CTNNA3: variants seen among roughly 807,000 people sequenced by gnomAD.
The protein encoded by CTNNA3 is catenin alpha-3.
CTNNA3 carries 76 observed loss-of-function variants against 95.7 expected under a neutral mutation model. The observed-to-expected ratio is 0.79, with a 90% CI of 0.66 to 0.96. CTNNA3 has a LOEUF of 0.96. CTNNA3 is among the 40% of genes least tolerant of loss of function. CTNNA3 has a pLI of 0.00. For synonymous variants in CTNNA3, 431 were observed against 374.4 expected, an observed-to-expected ratio of 1.15 and a Z score of -1.74; for missense variants, 1,191 against 1,089.8, an observed-to-expected ratio of 1.09 and a Z score of -1.31.
chr10:67,538,357 C>T (rs554332370), intron 4 of CTNNA3, among the ~76,000 whole-genome samples: 58 of 151,738 alleles, frequency 3.8e-4, no homozygotes, highest in Non-Finnish European at 7.2e-4. Context: ...GGGAGGATCA[C>T]GAGGTCAGGA....
At chr10:67,094,990 T>C (rs1857888923) in intron 7 of CTNNA3, among the ~76,000 whole-genome samples, 1 of 151,520 alleles carries the variant, frequency 6.6e-6, no homozygotes, top group Non-Finnish European at 1.5e-5. Context: ...TTTGAAACTA[T>C]AAGTAATTGG....
chr10:66,460,274 A>AGAAACTT (rs1218154593), intron 11 of CTNNA3, among the ~76,000 whole-genome samples: 1 of 152,200 alleles, frequency 6.6e-6, no homozygotes, highest in Non-Finnish European at 1.5e-5. Flanking sequence ...CCTCAGGCTG[A>AGAAACTT]GAAACTTGTG....
At chr10:66,208,311 C>T (rs2087898637) in intron 13 of CTNNA3, among the ~76,000 whole-genome samples, 1 of 152,034 alleles carries the variant, frequency 6.6e-6, no homozygotes, top group Non-Finnish European at 1.5e-5. Flanking sequence ...ACTCCCTTTA[C>T]ATATTAACAG....
intron 10 of CTNNA3, among the ~76,000 whole-genome samples, chr10:66,540,051 C>G (rs1313775230): frequency 6.6e-6 from 1 of 151,942 alleles, no homozygotes; most frequent in Non-Finnish European, 1.5e-5. Context: ...TGTTTGTTAT[C>G]ACCAAACATT....
intron 13 of CTNNA3, among the ~76,000 whole-genome samples, chr10:66,267,060 C>A (rs1027708329): frequency 2.0e-5 from 3 of 151,936 alleles, no homozygotes; most frequent in Non-Finnish European, 2.9e-5. Flanking sequence ...AAATATTAGG[C>A]GGCTTAAGGC....
At chr10:66,861,008 C>A (rs76322777) in intron 7 of CTNNA3, among the ~76,000 whole-genome samples, 3,320 of 152,220 alleles carry the variant, frequency 0.022, 122 homozygotes, top group African/African-American at 0.075. Flanking sequence ...GCCAGGGATA[C>A]CCTGAAAATG....
In CTNNA3 at chr10:66,137,297, A is replaced by G. The variant is rs200449816; in HGVS notation, c.1885-34048T>C. ...AAAGATATTTAATCTTTTAATTATA[A>G]GGAAACAATCAGGAAAATCCAGAAT... On this transcript the variant is annotated intron_variant, in intron 13 of 17. Transcript: ENST00000433211. Among the ~76,000 whole-genome samples the G allele has an allele frequency of 5.3e-5, 8 of 152,278 alleles. No homozygotes were observed. In the East Asian group the frequency reaches 1.5e-3, roughly 29 times the overall value.
rs574841595 is a variant in CTNNA3, at chr10:66,399,503, T to C, written c.1532-20151A>G. ...CCCTACATTCCATCCTAATTTATTCTGTGGTATATGCGTGTGAAGTGAAGA... is the reference window on the plus strand; with the variant it reads ...CCCTACATTCCATCCTAATTTATTCCGTGGTATATGCGTGTGAAGTGAAGA... On this transcript the variant is annotated intron_variant, in intron 11 of 17. Coordinates refer to ENST00000433211, the MANE Select transcript of CTNNA3 (RefSeq NM_013266.4). 2.1e-4 allele frequency among the ~76,000 whole-genome samples: 32 copies of C among 152,084 alleles called. No individual in the cohort carries two copies. In the South Asian group the frequency reaches 6.4e-3, roughly 31 times the overall value.
intron 5 of CTNNA3, among the ~76,000 whole-genome samples, chr10:67,416,266 G>A (rs569104413): frequency 2.0e-5 from 3 of 151,994 alleles, no homozygotes; most frequent in Admixed American, 1.3e-4. Flanking sequence ...CTAATATCCA[G>A]AATCTATGGT....
chr10:66,439,161 A>G (rs1032345881), intron 11 of CTNNA3, among the ~76,000 whole-genome samples: 3 of 152,094 alleles, frequency 2.0e-5, no homozygotes, highest in African/African-American at 7.2e-5. Context: ...TCCTCATGAT[A>G]CACATTTTTA....
At chr10:66,949,060 A>G (rs924759547) in intron 7 of CTNNA3, among the ~76,000 whole-genome samples, 6 of 152,236 alleles carry the variant, frequency 3.9e-5, no homozygotes, top group African/African-American at 1.4e-4. Context: ...TAACAAATTT[A>G]TTGTCAAACA....
At chr10:66,570,079 G>A (rs1283116042) in intron 10 of CTNNA3, among the ~76,000 whole-genome samples, 3 of 152,068 alleles carry the variant, frequency 2.0e-5, no homozygotes, top group Non-Finnish European at 4.4e-5. Context: ...AAAATGAGGT[G>A]TAAGAGAAGT....
intron 7 of CTNNA3, among the ~76,000 whole-genome samples, chr10:67,056,496 C>G (rs1205990569): frequency 6.6e-6 from 1 of 152,228 alleles, no homozygotes; most frequent in East Asian, 1.9e-4. Context: ...CTTGTGAAAC[C>G]AAGATCCACT....
chr10:66,148,028 T>C (rs139187240), intron 13 of CTNNA3, among the ~76,000 whole-genome samples: 1 of 151,844 alleles, frequency 6.6e-6, no homozygotes, highest in Non-Finnish European at 1.5e-5. Context: ...TCATTATTGT[T>C]TTATTTCCTA....
At chr10:66,523,712 T>G (rs1841150423) in intron 10 of CTNNA3, among the ~76,000 whole-genome samples, 1 of 152,186 alleles carries the variant, frequency 6.6e-6, no homozygotes, top group Admixed American at 6.5e-5. Flanking sequence ...AAACAGTCTC[T>G]TTTGAGTTCG....
intron 11 of CTNNA3, among the ~76,000 whole-genome samples, chr10:66,394,627 A>C (rs1400398783): frequency 1.3e-5 from 2 of 151,940 alleles, no homozygotes; most frequent in Non-Finnish European, 2.9e-5. Flanking sequence ...GTCAGCAGGA[A>C]CAGACAGTAG....
chr10:66,000,052 T>C (rs2078740301), intron 15 of CTNNA3, among the ~76,000 whole-genome samples: 1 of 152,060 alleles, frequency 6.6e-6, no homozygotes, highest in Non-Finnish European at 1.5e-5. Context: ...ACACAATAAA[T>C]ATATACATTT....
intron 7 of CTNNA3, among the ~76,000 whole-genome samples, chr10:66,950,244 T>TATA (rs1302852323): frequency 6.6e-6 from 1 of 152,186 alleles, no homozygotes; most frequent in African/African-American, 2.4e-5. Context: ...ACTCTAATTG[T>TATA]ATATTATTAT....
intron 12 of CTNNA3, among the ~76,000 whole-genome samples, chr10:66,361,720 TAG>T (rs1202980886): frequency 6.6e-6 from 1 of 151,748 alleles, no homozygotes; most frequent in Non-Finnish European, 1.5e-5. Flanking sequence ...TAATTTTCTG[TAG>T]AGATGAGATC....
Sources: allele counts gnomAD v4.1 joint callset (sites outside exome capture counted in the v4.1 genomes callset), GRCh38; gene constraint gnomAD v4.1.1; transcripts MANE v1.5; gene names NCBI Gene and HGNC (gene_info 2026-07-23, HGNC 2026-07-21).